Variants in MYOM3 observed in about 807,000 individuals in gnomAD.
MYOM3 encodes myomesin-3.
A neutral mutation model predicts 191.7 loss-of-function variants in MYOM3; 155 were observed. The ratio of observed to expected loss-of-function variants is 0.81; its 90% CI spans 0.71 to 0.92. MYOM3 has a LOEUF of 0.92. Ranked by LOEUF, MYOM3 falls within the 40% of genes least tolerant of loss-of-function variation. The probability of loss-of-function intolerance (pLI) is 0.00; values close to 1 mark genes in which losing one functional copy is unlikely to be tolerated. For synonymous variants in MYOM3, 757 were observed against 762.9 expected, an observed-to-expected ratio of 0.99 and a Z score of 0.13; for missense variants, 1,889 against 1,890.6, an observed-to-expected ratio of 1.00 and a Z score of 0.02.
chr1:24,071,101 G>A lies in MYOM3; in HGVS notation c.3150+16C>T. On this transcript the variant is annotated intron_variant, in intron 25 of 36. Transcript: ENST00000374434. Reference sequence around the variant, plus strand: ...GCAGGGGAGCCTCACTTCAGGGATTGTGAGCACCCAATTACCGGCGAGCTG... The same window carrying A: ...GCAGGGGAGCCTCACTTCAGGGATTATGAGCACCCAATTACCGGCGAGCTG... 1 of 1,612,806 alleles carries A rather than the reference G, an allele frequency of 6.2e-7. No homozygotes were observed. The highest frequency in any genetic ancestry group is 8.5e-7 in the Non-Finnish European group (1 of 1,179,074).
Position 24,094,935 on chromosome 1 carries a change from A to T in MYOM3, c.846T>A (p.Ala282=), listed in dbSNP as rs1322033879. The change falls in exon 9 of 37, where the codon GCT becomes GCA. Residue 282 remains alanine (A), a synonymous_variant. Transcript: ENST00000374434. ...EFTSVLKPVF[A]REKEPFSLSC... ...ACAGGGAGAAGGGTTCCTTCTCACG[A>T]GCAAAGACTGGCTTCAGCACCGAGG... 9.3e-6 allele frequency: 15 copies of T among 1,613,968 alleles called. No homozygotes were observed. The highest frequency in any genetic ancestry group is 1.3e-5 in the African/African-American group (1 of 74,926).
intron 20 of MYOM3, among the ~76,000 whole-genome samples, chr1:24,076,761 G>A (rs1238018628): frequency 3.1e-5 from 2 of 64,562 alleles, no homozygotes; most frequent in African/African-American, 9.8e-5. Flanking sequence ...TGATCCGCCC[G>A]CCTCGGCCTC....
In MYOM3 at chr1:24,111,481, G is replaced by A. The variant is rs1393809730; in HGVS notation, c.-19+550C>T. 2.0e-5 allele frequency among the ~76,000 whole-genome samples: 3 copies of A among 152,330 alleles called. No homozygotes were observed. Among genetic ancestry groups the A allele is most frequent in the South Asian group, 2.1e-4 (1 of 4,826 alleles). ...TGGCTCCACCAGCTTCCGCGAGGCC[G>A]AATCCTGCCCTTGCCAGTCATGAGC... On this transcript the variant is annotated intron_variant, in intron 1 of 36. Coordinates refer to ENST00000374434, the MANE Select transcript of MYOM3 (RefSeq NM_152372.4). This position sits in a 1 kb window ranked among gnomAD's most constrained non-coding sequence, Gnocchi z 4.7.
At position 24,057,154 on chromosome 1, in the gene MYOM3, G is replaced by C; in HGVS notation, c.*210C>G. ...CTACTCCAGGTCCAGGGTTCATCCC[G>C]CTCTCCTGGAAGCCACTCAGGACCC... On this transcript the variant is annotated 3_prime_UTR_variant, in exon 37 of 37. Coordinates refer to ENST00000374434, the MANE Select transcript of MYOM3 (RefSeq NM_152372.4). 1.7e-6 allele frequency: 1 copy of C among 582,342 alleles called. No individual in the cohort carries two copies. Among genetic ancestry groups the C allele is most frequent in the Non-Finnish European group, 3.0e-6 (1 of 329,996 alleles). 36.1% of individuals were successfully genotyped at this position (582,342 alleles called of 1,614,324 possible). A position where few individuals can be genotyped will look rare whatever the true frequency, so the allele number is the denominator to read the frequency against.
chr1:24,071,377 G>T, intron 24 of MYOM3, 124 bp from the exon 25 acceptor site: 2 of 1,144,338 alleles, frequency 1.7e-6, no homozygotes, highest in East Asian at 2.6e-5. Context: ...ACCTGAAGGA[G>T]ACTGTACTGG....
At chr1:24,103,608 G>A (rs543541457) in intron 5 of MYOM3, among the ~76,000 whole-genome samples, 10 of 152,260 alleles carry the variant, frequency 6.6e-5, no homozygotes, top group South Asian at 2.1e-4. Flanking sequence ...CCTGTTTTTC[G>A]GTGGCTAGTG....
chr1:24,082,578 T>A lies in MYOM3; in HGVS notation c.2092+15A>T. 1 of 1,572,528 alleles carries A rather than the reference T, an allele frequency of 6.4e-7. No individual in the cohort carries two copies. Among genetic ancestry groups the A allele is most frequent in the Non-Finnish European group, 8.6e-7 (1 of 1,161,218 alleles). On this transcript the variant is annotated intron_variant, in intron 17 of 36. Transcript: ENST00000374434. ...CCCAGGGAGGTTTGCAGGCTGGACCTGCCCTTGGACTCACCCAGAGCCTGC... is the reference window on the plus strand; with the variant it reads ...CCCAGGGAGGTTTGCAGGCTGGACCAGCCCTTGGACTCACCCAGAGCCTGC...
intron 28 of MYOM3, 33 bp from the exon 29 acceptor site, chr1:24,066,034 AG>A (rs1258952841): frequency 7.0e-7 from 1 of 1,425,462 alleles, no homozygotes; most frequent in Non-Finnish European, 9.9e-7. Flanking sequence ...AGACTCTGTC[AG>A]GCTTGTTTCT....
intron 6 of MYOM3, among the ~76,000 whole-genome samples, chr1:24,098,383 C>T (rs181475636): frequency 1.3e-5 from 2 of 152,230 alleles, no homozygotes; most frequent in African/African-American, 2.4e-5. Context: ...GGAGCGGGAG[C>T]CTCCTCCTTT....
chr1:24,075,310 C>G lies in MYOM3; in HGVS notation c.2858+9G>C, dbSNP rs528603097. Reference sequence around the variant, plus strand: ...GTTGAGCAGTTGTTTCTCCTCTCGCCTCACTTACTTGTTAACTTTATCCTC... The same window carrying G: ...GTTGAGCAGTTGTTTCTCCTCTCGCGTCACTTACTTGTTAACTTTATCCTC... On this transcript the variant is annotated intron_variant, in intron 22 of 36. Coordinates refer to ENST00000374434, the MANE Select transcript of MYOM3 (RefSeq NM_152372.4). 93 of 1,611,732 alleles carry G rather than the reference C, an allele frequency of 5.8e-5. 1 individual carries two copies. The highest frequency in any genetic ancestry group is 7.3e-5 in the Non-Finnish European group (86 of 1,179,808).
rs1643712909 is a variant in MYOM3, at chr1:24,084,578, C to G, written c.1860G>C (p.Leu620=). The stretch of plus-strand genomic sequence containing the variant: ...CTGGGTCTTTCACAGGATCCCATGT[C>G]AGGGAGACAGAGGTCTGTGTGTCTC... ...AFRDTQTSVS[L]TWDPVKDPEL... Residue 620 remains leucine (L), a synonymous_variant, in exon 16 of 37, where the codon CTG becomes CTC. Coordinates refer to ENST00000374434, the MANE Select transcript of MYOM3 (RefSeq NM_152372.4). The G allele has an allele frequency of 1.2e-6, 2 of 1,614,048 alleles. No homozygotes were observed. Among genetic ancestry groups the G allele is most frequent in the African/African-American group, 1.3e-5 (1 of 74,972 alleles).
At chr1:24,065,856 G>A (rs1475903254) in intron 29 of MYOM3, 35 bp downstream of exon 29, 1 of 1,490,594 alleles carries the variant, frequency 6.7e-7, no homozygotes, top group African/African-American at 1.4e-5. Flanking sequence ...GCAGCCAAAG[G>A]AGAAAGTGAG....
intron 15 of MYOM3, among the ~76,000 whole-genome samples, chr1:24,085,253 A>G (rs1433203175): frequency 2.1e-4 from 24 of 114,528 alleles, no homozygotes; most frequent in Non-Finnish European, 4.1e-4. Context: ...TTCATGGATG[A>G]ATAAATGGAT....
At position 24,107,119 on chromosome 1, in the gene MYOM3, T is replaced by G; in HGVS notation, c.356A>C (p.His119Pro). ...ERTEIAFLQT[H>P]RLLRQRRDWK... The stretch of plus-strand genomic sequence containing the variant: ...GTCCCGCCTCTGGCGCAGCAGCCGG[T>G]GGGTCTGCAGGAAGGCGATCTCAGT... The change falls in exon 4 of 37, where the codon CAC (histidine) becomes CCC (proline). Residue 119 changes from histidine (H) to proline (P), a missense_variant. Coordinates refer to ENST00000374434, the MANE Select transcript of MYOM3 (RefSeq NM_152372.4). The G allele has an allele frequency of 6.2e-7, 1 of 1,612,360 alleles. No individual in the cohort carries two copies. The highest frequency in any genetic ancestry group is 2.2e-5 in the East Asian group (1 of 44,794).
In MYOM3 at chr1:24,060,412, C is replaced by T. The variant is rs779754762; in HGVS notation, c.3994+648G>A. Among the ~76,000 whole-genome samples, 14 of 152,328 alleles carry T rather than the reference C, an allele frequency of 9.2e-5. No individual in the cohort carries two copies. In the South Asian group the frequency reaches 1.4e-3, roughly 16 times the overall value. ...CCTCCCACACATGGCCTCAAGCTGG[C>T]GGTGTGAGTTTTCTTGTCTGTTCTT... is the stretch of plus-strand genomic sequence containing the variant. On this transcript the variant is annotated intron_variant, in intron 35 of 36. Transcript: ENST00000374434.
At chr1:24,082,478 G>A in intron 17 of MYOM3, 115 bp downstream of exon 17, 1 of 1,361,378 alleles carries the variant, frequency 7.3e-7, no homozygotes. Flanking sequence ...GTTTCCCTCA[G>A]AGGGCGTATG....
rs902887480 is a variant in MYOM3 at position 24,092,245 on chromosome 1, GTC to G, written c.1159_1160del (p.Asp387LeufsTer11). On this transcript the variant is annotated frameshift_variant, in exon 11 of 37. Coordinates refer to ENST00000374434, the MANE Select transcript of MYOM3 (RefSeq NM_152372.4). LOFTEE classifies it high-confidence loss of function. ...GCGGGGCCCAAGTCAGGATGAGGCA[GTC>G]TCTGTTCACATCCAGGCATCGGACG... ...LNVRCLDVNR[D>X]CLILTWAPPS... 3 of 1,422,464 alleles carry G rather than the reference GTC, an allele frequency of 2.1e-6. No individual in the cohort carries two copies. The highest frequency in any genetic ancestry group is 3.0e-5 in the African/African-American group (2 of 67,684). 88.1% of individuals were successfully genotyped at this position (1,422,464 alleles called of 1,614,324 possible). A position where few individuals can be genotyped will look rare whatever the true frequency, so the allele number is the denominator to read the frequency against.
rs914274263 is a variant in MYOM3 at position 24,076,389 on chromosome 1, C to T, written c.2587-116G>A. On this transcript the variant is annotated intron_variant, in intron 20 of 36. Coordinates refer to ENST00000374434, the MANE Select transcript of MYOM3 (RefSeq NM_152372.4). ...GAAAACCCTCTCCCTTCTTGTGTCC[C>T]TCATCTTTCCATGTGACAAAGATGG... 7 of 694,620 alleles carry T rather than the reference C, an allele frequency of 1.0e-5. No homozygotes were observed. In the South Asian group the frequency reaches 1.2e-4, roughly 12 times the overall value. The allele number at this position is 694,620 out of a possible 1,614,324, so 43.0% of individuals were successfully genotyped here.
chr1:24,107,174 G>C lies in MYOM3; in HGVS notation c.301C>G (p.Arg101Gly), dbSNP rs202075592. ...TCCCAGTCATTGCCGAAGCCCACCC[G>C]CTTCTGCCCTCGCTCCTCCAGCTCC... ...AVELEERGQK[R>G]VGFGNDWERT... The change falls in exon 4 of 37, where the codon CGG becomes GGG. Residue 101 changes from arginine to glycine, a missense_variant. By Grantham distance (125) the Arg-to-Gly change is moderately radical (BLOSUM62 -2). Transcript: ENST00000374434. 1 of 1,610,802 alleles carries C rather than the reference G, an allele frequency of 6.2e-7. No individual in the cohort carries two copies. Among genetic ancestry groups the C allele is most frequent in the South Asian group, 1.1e-5 (1 of 90,042 alleles).
Sources: gnomAD v4.1 joint callset for allele counts (sites outside exome capture counted in the v4.1 genomes callset) on GRCh38, gnomAD v4.1.1 for gene constraint, Gnocchi (gnomAD v3.1) non-coding constraint, MANE v1.5 for transcripts, NCBI Gene and HGNC (gene_info 2026-07-23, HGNC 2026-07-21) for gene names.